The following TTC6 variants were observed in gnomAD, a reference collection of about 807,000 sequenced individuals.
The protein encoded by TTC6 is tetratricopeptide repeat protein 6.
TTC6 carries 172 observed loss-of-function variants against 210.4 expected under a neutral mutation model. That is an observed-to-expected ratio of 0.82 (90% CI 0.72 to 0.93). The LOEUF (loss-of-function observed/expected upper bound fraction) is 0.93, where lower values mean the gene tolerates loss of function less well. Ranked by LOEUF, TTC6 falls within the 40% of genes least tolerant of loss-of-function variation. TTC6 has a pLI of 0.00. For missense variants in TTC6, 2,414 were observed against 2,318.1 expected (o/e 1.04, Z -0.85); for synonymous variants, 804 against 819.6 (o/e 0.98, Z 0.32).
intron 1 of TTC6, among the ~76,000 whole-genome samples, chr14:37,630,918 T>G (rs1246534130): frequency 9.9e-5 from 6 of 60,868 alleles, no homozygotes; most frequent in South Asian, 5.8e-4. Context: ...TTTTTTTTTT[T>G]TTTTTTTTTT....
At chr14:37,802,394 A>G (rs2096108757) in intron 20 of TTC6, 1 of 151,602 alleles carries the variant, frequency 6.6e-6, no homozygotes, top group South Asian at 2.1e-4. Context: ...GGTACTTAAA[A>G]TAAAATAAAA....
At chr14:37,762,882 C>CTTTTCT (rs1413889827) in intron 14 of TTC6, among the ~76,000 whole-genome samples, 52 of 129,576 alleles carry the variant, frequency 4.0e-4, no homozygotes, top group Non-Finnish European at 7.7e-4. Context: ...CTTTTCTTTT[C>CTTTTCT]TTTTTTTTTT....
intron 22 of TTC6, among the ~76,000 whole-genome samples, chr14:37,806,899 G>C (rs1432574928): frequency 6.6e-6 from 1 of 152,152 alleles, no homozygotes; most frequent in Non-Finnish European, 1.5e-5. Context: ...TTAGGAATCT[G>C]TGAAATTTGA....
chr14:37,681,834 A>G (rs1019358340), intron 2 of TTC6, among the ~76,000 whole-genome samples: 1 of 152,056 alleles, frequency 6.6e-6, no homozygotes, highest in Non-Finnish European at 1.5e-5. Flanking sequence ...CACACACACA[A>G]ACTAAGTACA....
intron 10 of TTC6, among the ~76,000 whole-genome samples, chr14:37,742,353 A>G (rs900484230): frequency 2.6e-5 from 4 of 151,664 alleles, no homozygotes; most frequent in Non-Finnish European, 5.9e-5. Context: ...AGGAGTTGTT[A>G]TGTTTTCCTT....
At chr14:37,820,104 A>T (rs1156861384) in intron 26 of TTC6, among the ~76,000 whole-genome samples, 1 of 152,230 alleles carries the variant, frequency 6.6e-6, no homozygotes, top group Non-Finnish European at 1.5e-5. Flanking sequence ...CAGTTACTTA[A>T]CAAGGACTTC....
chr14:37,791,793 G>A (rs899083642), intron 16 of TTC6, among the ~76,000 whole-genome samples: 1 of 152,126 alleles, frequency 6.6e-6, no homozygotes, highest in Non-Finnish European at 1.5e-5. Flanking sequence ...GATTTTAAGA[G>A]AGATAAATAA....
intron 1 of TTC6, among the ~76,000 whole-genome samples, chr14:37,645,135 T>C (rs1403326454): frequency 6.6e-6 from 1 of 152,208 alleles, no homozygotes; most frequent in Non-Finnish European, 1.5e-5. Context: ...TTGTGCATTA[T>C]GGTACTTTTC....
At chr14:37,791,976 G>A (rs924256424) in intron 16 of TTC6, among the ~76,000 whole-genome samples, 14 of 152,056 alleles carry the variant, frequency 9.2e-5, no homozygotes, top group African/African-American at 3.4e-4. Context: ...TCAAGATAAC[G>A]GAAAGGTAAA....
rs897277122 is a variant in TTC6 at position 37,622,691 on chromosome 14, C to T, written c.627C>T (p.Ser209=). The T allele has an allele frequency of 2.6e-6, 4 of 1,534,970 alleles. No homozygotes were observed. In the African/African-American group the frequency reaches 5.5e-5, roughly 21 times the overall value. ...AAGAGAGGAAGGCCAGCTCCGTCTC[C>T]GCAGAGGACGGCTACATGGAGGCCA... The change falls in exon 1 of 31, where the codon TCC becomes TCT. Residue 209 remains serine (S), a synonymous_variant. Coordinates refer to ENST00000553443, the Ensembl canonical transcript of TTC6.
At chr14:37,766,114 G>C (rs2095998509) in intron 14 of TTC6, among the ~76,000 whole-genome samples, 1 of 151,804 alleles carries the variant, frequency 6.6e-6, no homozygotes, top group Admixed American at 6.6e-5. Flanking sequence ...ATCAAATTTG[G>C]GAAGTTTTCA....
At chr14:37,839,177 G>A (rs1373060293) in intron 29 of TTC6, among the ~76,000 whole-genome samples, 2 of 152,168 alleles carry the variant, frequency 1.3e-5, no homozygotes, top group Non-Finnish European at 2.9e-5. Flanking sequence ...TGGGATTGCT[G>A]GGTCAAATGG....
intron 26 of TTC6, among the ~76,000 whole-genome samples, chr14:37,822,401 A>T (rs1277414816): frequency 6.6e-6 from 1 of 152,214 alleles, no homozygotes; most frequent in Admixed American, 6.5e-5. Flanking sequence ...GAAGATGATA[A>T]TTTCTGGAAC....
intron 29 of TTC6, among the ~76,000 whole-genome samples, chr14:37,833,126 A>G (rs1332432712): frequency 6.6e-6 from 1 of 151,032 alleles, no homozygotes; most frequent in African/African-American, 2.4e-5. Flanking sequence ...TGCAAGATTC[A>G]TTTGGTCTGT....
intron 1 of TTC6, among the ~76,000 whole-genome samples, chr14:37,674,120 A>AT (rs923855085): frequency 1.5e-3 from 224 of 147,732 alleles, no homozygotes; most frequent in Non-Finnish European, 2.1e-3. Context: ...TGTCTCAGTC[A>AT]TTTTTTTTTT....
At chr14:37,631,020 G>T (rs184123693) in intron 1 of TTC6, among the ~76,000 whole-genome samples, 1 of 141,612 alleles carries the variant, frequency 7.1e-6, no homozygotes. Flanking sequence ...TCATGAGATG[G>T]GTTTTCTGAA....
chr14:37,646,917 CTATT>C (rs2095702675), intron 1 of TTC6, among the ~76,000 whole-genome samples: 1 of 152,294 alleles, frequency 6.6e-6, no homozygotes, highest in Middle Eastern at 3.4e-3. Flanking sequence ...CTGGCCTCAT[CTATT>C]TATGAAACTT....
intron 14 of TTC6, among the ~76,000 whole-genome samples, chr14:37,754,980 C>G (rs1046971217): frequency 3.3e-5 from 5 of 152,128 alleles, no homozygotes; most frequent in African/African-American, 4.8e-5. Flanking sequence ...GAGGAATTGC[C>G]ACACTATCTT....
chr14:37,622,055 A>C (rs1228863904), upstream of TTC6: 13 of 1,510,154 alleles, frequency 8.6e-6, no homozygotes, highest in Non-Finnish European at 1.1e-5. Flanking sequence ...TACAGGTCAA[A>C]TTTGTCAAGA....
Sources: gnomAD v4.1 joint callset for allele counts (sites outside exome capture counted in the v4.1 genomes callset) on GRCh38, gnomAD v4.1.1 for gene constraint, MANE v1.5 for transcripts, NCBI Gene and HGNC (gene_info 2026-07-23, HGNC 2026-07-21) for gene names.